Variants in LENG1 observed in about 807,000 individuals in gnomAD.
LENG1 encodes leukocyte receptor cluster (LRC) member 1.
Under a neutral mutation model 28.8 loss-of-function variants are expected in LENG1, and 35 were observed. That is an observed-to-expected ratio of 1.22 (90% CI 0.93 to 1.61). The LOEUF is 1.61. Ranked by LOEUF, LENG1 falls within the 40% of genes most tolerant of loss-of-function variation. The pLI is 0.00. For synonymous variants in LENG1, 170 were observed against 140.6 expected (o/e 1.21, Z -1.48); for missense variants, 404 against 348.9 (o/e 1.16, Z -1.26).
intron 2 of LENG1, 105 bp from the exon 3 acceptor site, chr19:54,157,130 T>A (rs2075408547): frequency 1.4e-5 from 13 of 898,778 alleles, no homozygotes; most frequent in Non-Finnish European, 1.7e-5. Flanking sequence ...AGGCTTGTTA[T>A]GAACCAGTTG....
chr19:54,155,726 G>GAGT lies in LENG1; in HGVS notation c.787_789dup (p.Thr263dup). ...CTCCTGTACCCCCTCAGGAGTCAGT[G>GAGT]AGTAAGGTGAGGGTCCTGCTGGCGG... On this transcript the variant is annotated inframe_insertion, in exon 4 of 4. Coordinates refer to ENST00000222224, the MANE Select transcript of LENG1 (RefSeq NM_024316.3). 6.2e-7 allele frequency: 1 copy of GAGT among 1,609,548 alleles called. No individual in the cohort carries two copies. Among genetic ancestry groups the GAGT allele is most frequent in the Non-Finnish European group, 8.5e-7 (1 of 1,178,408 alleles).
chr19:54,158,179 G>T, intron 2 of LENG1, 103 bp downstream of exon 2: 2 of 1,056,600 alleles, frequency 1.9e-6, no homozygotes, highest in Non-Finnish European at 1.4e-6. Context: ...TAAATTCTGT[G>T]TGTTCACTCT....
Position 54,158,298 on chromosome 19 carries a change from T to C in LENG1, c.296A>G (p.Glu99Gly). ...CCAGCTTACTTTCTCCTGTCGCTTT[T>C]CTTCCTTGTACTCTTTATTGCCTCT... The part of the protein sequence containing the change: ...VIRGNKEYKE[E>G]KRQEKERQEK... The change falls in exon 2 of 4, where the codon GAA becomes GGA. Residue 99 changes from glutamate to glycine, a missense_variant. Coordinates refer to ENST00000222224, the MANE Select transcript of LENG1 (RefSeq NM_024316.3). 1 of 1,613,704 alleles carries C rather than the reference T, an allele frequency of 6.2e-7. No individual in the cohort carries two copies.
chr19:54,156,687 G>A (rs565896329), intron 3 of LENG1, 76 bp downstream of exon 3: 89 of 1,447,784 alleles, frequency 6.1e-5, no homozygotes, highest in African/African-American at 5.7e-4. Flanking sequence ...GACCAGAGAC[G>A]CTGCAGTGCC....
intron 1 of LENG1, 23 bp downstream of exon 1, chr19:54,159,541 G>C (rs1041906884): frequency 2.0e-6 from 3 of 1,523,722 alleles, no homozygotes; most frequent in Non-Finnish European, 2.6e-6. Context: ...CCGGAGCGCC[G>C]CCCTGCCGGC....
Position 54,155,596 on chromosome 19 carries a change from C to CCCT in LENG1, c.*122_*124dup, listed in dbSNP as rs1163863140. ...TGGGGGCCCGGGGGCGAGGGCTGCCCCCTCCTCCCCTCCCCAGTGAGGGAC... is the reference window on the plus strand; with the variant it reads ...TGGGGGCCCGGGGGCGAGGGCTGCCCCCTCCTCCTCCCCTCCCCAGTGAGGGAC... On this transcript the variant is annotated 3_prime_UTR_variant, in exon 4 of 4. Coordinates refer to ENST00000222224, the MANE Select transcript of LENG1 (RefSeq NM_024316.3). 2.7e-6 allele frequency: 3 copies of CCCT among 1,103,280 alleles called. No individual in the cohort carries two copies. The highest frequency in any genetic ancestry group is 2.6e-6 in the Non-Finnish European group (2 of 777,000). The allele number at this position is 1,103,280 out of a possible 1,614,324, so 68.3% of individuals were successfully genotyped here.
Position 54,159,721 on chromosome 19 carries a change from C to A in LENG1, c.-26G>T. ...GGCGTCGTAGCTGTCCAGGGACTGG[C>A]ACGCCCGCCTCTTTGCACTTCCGAT... On this transcript the variant is annotated 5_prime_UTR_variant, in exon 1 of 4. Coordinates refer to ENST00000222224, the MANE Select transcript of LENG1 (RefSeq NM_024316.3). 1 of 1,551,900 alleles carries A rather than the reference C, an allele frequency of 6.4e-7. No individual in the cohort carries two copies. The highest frequency in any genetic ancestry group is 8.7e-7 in the Non-Finnish European group (1 of 1,151,410).
Position 54,156,986 on chromosome 19 carries a change from C to G in LENG1, c.352G>C (p.Gly118Arg). 1 of 1,580,944 alleles carries G rather than the reference C, an allele frequency of 6.3e-7. No individual in the cohort carries two copies. The highest frequency in any genetic ancestry group is 8.6e-7 in the Non-Finnish European group (1 of 1,161,930). The change falls in exon 3 of 4, where the codon GGC (glycine) becomes CGC (arginine). Residue 118 changes from glycine (G) to arginine (R), a missense_variant. Coordinates refer to ENST00000222224, the MANE Select transcript of LENG1 (RefSeq NM_024316.3). Reference sequence around the variant, plus strand: ...GTCTGTGCCTCCGCTGCACTCTGGCCCAGGTATGTCAGGATGCCCAGAGCT... The same window carrying G: ...GTCTGTGCCTCCGCTGCACTCTGGCGCAGGTATGTCAGGATGCCCAGAGCT... ...EKALGILTYL[G>R]QSAAEAQTQP... is the part of the protein sequence containing the mutation.
chr19:54,155,858 G>A lies in LENG1; in HGVS notation c.658C>T (p.Arg220Trp), dbSNP rs190733955. Reference sequence around the variant, plus strand: ...TCCTGTAGTGCCCGGCCTTGGACCCGGGCCAGCAGGGCCTCTGCCCGAGAC... The same window carrying A: ...TCCTGTAGTGCCCGGCCTTGGACCCAGGCCAGCAGGGCCTCTGCCCGAGAC... ...ERSRAEALLA[R>W]VQGRALQEGQ... The change falls in exon 4 of 4, where the codon CGG (arginine) becomes TGG (tryptophan). Residue 220 changes from arginine to tryptophan, a missense_variant. By Grantham distance (101) the Arg-to-Trp change is moderately radical (BLOSUM62 -3). Coordinates refer to ENST00000222224, the MANE Select transcript of LENG1 (RefSeq NM_024316.3). The A allele has an allele frequency of 1.8e-5, 29 of 1,612,850 alleles. No homozygotes were observed. Among genetic ancestry groups the A allele is most frequent in the South Asian group, 1.1e-4 (10 of 90,868 alleles).
At chr19:54,158,556 GC>G in intron 1 of LENG1, 95 bp from the exon 2 acceptor site, 1 of 1,234,198 alleles carries the variant, frequency 8.1e-7, no homozygotes, top group Non-Finnish European at 1.1e-6. Flanking sequence ...AGTCCAGGGT[GC>G]TGGGGTTATG....
In LENG1 at chr19:54,155,279, C is replaced by T. The variant is rs754181346; in HGVS notation, c.*442G>A. ...CCAGATCCCAGACCACCTCCTCGTC[C>T]ACTCACTGACCGCCTTCTCCCCCGG... On this transcript the variant is annotated 3_prime_UTR_variant, in exon 4 of 4. Transcript: ENST00000222224. 2 of 1,611,102 alleles carry T rather than the reference C, an allele frequency of 1.2e-6. No homozygotes were observed. The highest frequency in any genetic ancestry group is 1.1e-5 in the South Asian group (1 of 90,660).
In LENG1 at chr19:54,155,502, A is replaced by G. The variant is rs765003669; in HGVS notation, c.*219T>C. 6 of 961,044 alleles carry G rather than the reference A, an allele frequency of 6.2e-6. No individual in the cohort carries two copies. The highest frequency in any genetic ancestry group is 1.6e-5 in the South Asian group (1 of 62,012). 59.5% of individuals were successfully genotyped at this position (961,044 alleles called of 1,614,324 possible). On this transcript the variant is annotated 3_prime_UTR_variant, in exon 4 of 4. Transcript: ENST00000222224. ...CCTGGAAGACTGGAGGGAGGCCCCA[A>G]GCCACGGGGCATCCCCCTCTCCCAG... is the stretch of plus-strand genomic sequence containing the variant.
chr19:54,157,520 C>T (rs924968763), intron 2 of LENG1, among the ~76,000 whole-genome samples: 2 of 152,126 alleles, frequency 1.3e-5, no homozygotes, highest in African/African-American at 4.8e-5. Flanking sequence ...AGGCACACAC[C>T]ACCATGCCCA....
chr19:54,159,443 G>T (rs1174387680), intron 1 of LENG1, 121 bp downstream of exon 1: 1 of 1,096,076 alleles, frequency 9.1e-7, no homozygotes, highest in Non-Finnish European at 1.3e-6. Flanking sequence ...TGGGATCGGC[G>T]CCTGGTCCCG....
At chr19:54,158,521 T>TCTGGTGCCC in intron 1 of LENG1, 60 bp from the exon 2 acceptor site, 3 of 1,517,196 alleles carry the variant, frequency 2.0e-6, no homozygotes, top group Non-Finnish European at 2.7e-6. Context: ...GAACTGTGAG[T>TCTGGTGCCC]CTGGTGCCCA....
rs1050179491 is a variant in LENG1 at position 54,155,508 on chromosome 19, G to A, written c.*213C>T. 57 of 944,214 alleles carry A rather than the reference G, an allele frequency of 6.0e-5. No individual in the cohort carries two copies. Among genetic ancestry groups the A allele is most frequent in the African/African-American group, 1.2e-4 (7 of 60,536 alleles). The allele number at this position is 944,214 out of a possible 1,614,324, so 58.5% of individuals were successfully genotyped here. A position where few individuals can be genotyped will look rare whatever the true frequency, so the allele number is the denominator to read the frequency against. ...AGACTGGAGGGAGGCCCCAAGCCAC[G>A]GGGCATCCCCCTCTCCCAGGAAGCA... On this transcript the variant is annotated 3_prime_UTR_variant, in exon 4 of 4. Transcript: ENST00000222224.
chr19:54,158,210 C>T, intron 2 of LENG1, 72 bp downstream of exon 2: 5 of 1,382,928 alleles, frequency 3.6e-6, no homozygotes, highest in Non-Finnish European at 4.1e-6. Context: ...TGGTCACAAC[C>T]AATGGCTAAA....
Position 54,158,418 on chromosome 19 carries a change from G to A in LENG1, c.176C>T (p.Ser59Leu), listed in dbSNP as rs780143181. 1.4e-5 allele frequency: 22 copies of A among 1,614,078 alleles called. No individual in the cohort carries two copies. The highest frequency in any genetic ancestry group is 1.8e-5 in the Non-Finnish European group (21 of 1,180,030). The stretch of plus-strand genomic sequence containing the variant: ...CTCTGCTGCTTCAAGCTCAGGCAGT[G>A]AGTTCTGATGTCTGGCTTTCTTCCG... ...FLRKKARHQN[S>L]LPELEAAEAG... is the part of the protein sequence containing the mutation. Residue 59 changes from serine to leucine, a missense_variant, in exon 2 of 4, where the codon TCA becomes TTA. Physicochemically the swap from Ser to Leu is moderately radical, Grantham distance 145 (BLOSUM62 -2). Coordinates refer to ENST00000222224, the MANE Select transcript of LENG1 (RefSeq NM_024316.3).
intron 3 of LENG1, 36 bp downstream of exon 3, chr19:54,156,727 T>C (rs775469802): frequency 4.4e-5 from 69 of 1,574,584 alleles, no homozygotes; most frequent in Non-Finnish European, 5.7e-5. Context: ...GCCCTGAAGG[T>C]CTGGGCCCTG....
Sources: allele counts gnomAD v4.1 joint callset (sites outside exome capture counted in the v4.1 genomes callset), GRCh38; gene constraint gnomAD v4.1.1; transcripts MANE v1.5; gene names NCBI Gene and HGNC (gene_info 2026-07-23, HGNC 2026-07-21).